The following CTNNBL1 variants were observed in gnomAD, a reference collection of about 807,000 sequenced individuals.
The protein encoded by CTNNBL1 is beta-catenin-like protein 1.
A neutral mutation model predicts 72.7 loss-of-function variants in CTNNBL1; 31 were observed. The observed-to-expected ratio is 0.43, with a 90% confidence interval of 0.32 to 0.58. The LOEUF is 0.58. CTNNBL1 is among the 20% of genes least tolerant of loss of function. The pLI is 0.08. For synonymous variants in CTNNBL1, 240 were observed against 267.3 expected (o/e 0.90, Z 1.00); for missense variants, 534 against 725.1 (o/e 0.74, Z 3.03).
At chr20:37,817,306 C>G (rs1047307739) in intron 11 of CTNNBL1, among the ~76,000 whole-genome samples, 1 of 152,112 alleles carries the variant, frequency 6.6e-6, no homozygotes, top group Non-Finnish European at 1.5e-5. Context: ...TTCTGACATG[C>G]CAAAGCAGGA....
chr20:37,741,455 G>A (rs1481520419), intron 3 of CTNNBL1, among the ~76,000 whole-genome samples: 1 of 152,106 alleles, frequency 6.6e-6, no homozygotes, highest in Non-Finnish European at 1.5e-5. Flanking sequence ...AGGAAATCAG[G>A]GTCTAGCAAT....
chr20:37,829,231 G>T (rs931100540), intron 11 of CTNNBL1, among the ~76,000 whole-genome samples: 19 of 152,326 alleles, frequency 1.2e-4, no homozygotes, highest in South Asian at 2.1e-4. Context: ...AATGGCCTTA[G>T]ATGTTCTGTG....
At chr20:37,759,620 G>T (rs981645318) in intron 5 of CTNNBL1, among the ~76,000 whole-genome samples, 1 of 152,062 alleles carries the variant, frequency 6.6e-6, no homozygotes, top group African/African-American at 2.4e-5. Context: ...GTTTAGTTTA[G>T]TTTTTATTTT....
chr20:37,860,291 A>G lies in CTNNBL1; in HGVS notation c.1550A>G (p.Gln517Arg), dbSNP rs1369025257. 6.2e-7 allele frequency: 1 copy of G among 1,614,158 alleles called. No homozygotes were observed. The highest frequency in any genetic ancestry group is 1.1e-5 in the South Asian group (1 of 91,082). The change falls in exon 15 of 16, where the codon CAG becomes CGG. Residue 517 changes from glutamine to arginine, a missense_variant. By Grantham distance (43) the Gln-to-Arg change is conservative. Coordinates refer to ENST00000361383, the MANE Select transcript of CTNNBL1 (RefSeq NM_030877.5). ...TATTAGATTCGCCAGAGGGTTCACC[A>G]GATCCTAAACATGCGAGGAAGCTCC... ...NVPQIRQRVH[Q>R]ILNMRGSSIK...
chr20:37,849,688 T>G lies in CTNNBL1; in HGVS notation c.1392+7269T>G, dbSNP rs567732077. Among the ~76,000 whole-genome samples the G allele has an allele frequency of 1.7e-4, 26 of 152,350 alleles. No individual in the cohort carries two copies. The South Asian group carries it at 5.4e-3, about 32-fold the overall frequency. ...GACAGTTTCTGCAGAAAATCTTCCC[T>G]GAGACCACCTGGAGCCCCTCCTGTG... On this transcript the variant is annotated intron_variant, in intron 13 of 15. Transcript: ENST00000361383.
At chr20:37,854,495 G>T (rs1222241032) in intron 13 of CTNNBL1, among the ~76,000 whole-genome samples, 1 of 151,550 alleles carries the variant, frequency 6.6e-6, no homozygotes, top group East Asian at 1.9e-4. Context: ...TGAGGAGCTT[G>T]TTCTGCCTGA....
Position 37,840,030 on chromosome 20 carries a change from G to C in CTNNBL1, c.1214-72G>C, listed in dbSNP as rs577356787. On this transcript the variant is annotated intron_variant, in intron 11 of 15. Coordinates refer to ENST00000361383, the MANE Select transcript of CTNNBL1 (RefSeq NM_030877.5). ...ACTTATTCTGCCCTCAATAGAACCA[G>C]ACGAGGCTTGAAGAGAGGTAATAAT... 1.1e-5 allele frequency: 12 copies of C among 1,094,234 alleles called. No individual in the cohort carries two copies. In the African/African-American group the frequency reaches 1.7e-4, roughly 15 times the overall value. 67.8% of individuals were successfully genotyped at this position (1,094,234 alleles called of 1,614,324 possible).
intron 7 of CTNNBL1, 92 bp downstream of exon 7, chr20:37,768,136 C>A: frequency 9.7e-7 from 1 of 1,032,864 alleles, no homozygotes; most frequent in Non-Finnish European, 1.5e-6. Context: ...TTATGCTGGG[C>A]CATATGATCT....
chr20:37,859,556 A>T (rs546721893), intron 13 of CTNNBL1, among the ~76,000 whole-genome samples: 3 of 152,060 alleles, frequency 2.0e-5, no homozygotes, highest in Admixed American at 6.5e-5. Context: ...CAAAGAGTGA[A>T]AAATGAGTGG....
intron 1 of CTNNBL1, among the ~76,000 whole-genome samples, chr20:37,719,304 T>G (rs1159865773): frequency 1.3e-5 from 2 of 152,162 alleles, no homozygotes; most frequent in East Asian, 3.8e-4. Flanking sequence ...TCCTGGTGAT[T>G]TCATTGGTTT....
chr20:37,756,579 A>T (rs1219135789), intron 4 of CTNNBL1, among the ~76,000 whole-genome samples: 2 of 143,720 alleles, frequency 1.4e-5, no homozygotes, highest in Non-Finnish European at 3.0e-5. Context: ...TCTCTCCTTC[A>T]TGTTTTCTTT....
chr20:37,865,327 C>T (rs757747339), intron 15 of CTNNBL1, among the ~76,000 whole-genome samples: 10 of 152,194 alleles, frequency 6.6e-5, no homozygotes, highest in Non-Finnish European at 1.5e-4. Flanking sequence ...AGTTAACTCA[C>T]AGTTAATCCG....
chr20:37,779,817 G>A (rs954610256), intron 10 of CTNNBL1, among the ~76,000 whole-genome samples: 9 of 152,104 alleles, frequency 5.9e-5, no homozygotes, highest in Non-Finnish European at 8.8e-5. Flanking sequence ...ATATGAAAAC[G>A]TGCAAGACAG....
At chr20:37,740,100 A>T (rs1330642021) in intron 3 of CTNNBL1, among the ~76,000 whole-genome samples, 1 of 152,172 alleles carries the variant, frequency 6.6e-6, no homozygotes, top group Non-Finnish European at 1.5e-5. Flanking sequence ...ATTTTATTTA[A>T]AAAAATCGGT....
chr20:37,739,509 G>C (rs1219039025), intron 3 of CTNNBL1, among the ~76,000 whole-genome samples: 1 of 152,030 alleles, frequency 6.6e-6, no homozygotes, highest in Non-Finnish European at 1.5e-5. Flanking sequence ...ATGTGTCTTT[G>C]TGTGCATATA....
intron 11 of CTNNBL1, among the ~76,000 whole-genome samples, chr20:37,813,006 C>T (rs2072025718): frequency 6.6e-6 from 1 of 151,368 alleles, no homozygotes; most frequent in Non-Finnish European, 1.5e-5. Context: ...ATGGAAAAAG[C>T]AGCATGTATT....
rs2073585171 is a variant in CTNNBL1, at chr20:37,777,392, G to A, written c.798G>A (p.Leu266=). The change falls in exon 8 of 16, where the codon CTG becomes CTA. Residue 266 remains leucine, a synonymous_variant. Transcript: ENST00000361383. ...DANKLYCSEV[L]AILLQDNDEN... The stretch of plus-strand genomic sequence containing the variant: ...ACAAACTGTATTGCAGTGAAGTGCT[G>A]GCCATATTGCTCCAGGACAATGATG... 1.2e-6 allele frequency: 2 copies of A among 1,613,756 alleles called. No individual in the cohort carries two copies. Among genetic ancestry groups the A allele is most frequent in the Non-Finnish European group, 1.7e-6 (2 of 1,179,814 alleles).
At chr20:37,829,623 G>C (rs754884007) in intron 11 of CTNNBL1, among the ~76,000 whole-genome samples, 3 of 152,066 alleles carry the variant, frequency 2.0e-5, no homozygotes, top group Non-Finnish European at 2.9e-5. Flanking sequence ...TCCGTATCCT[G>C]TGCTTTCTAA....
chr20:37,810,456 C>T (rs2072001202), intron 11 of CTNNBL1, among the ~76,000 whole-genome samples: 1 of 152,126 alleles, frequency 6.6e-6, no homozygotes, highest in Admixed American at 6.6e-5. Flanking sequence ...TTGTAAAGGT[C>T]TCACCACCTC....
Sources: gnomAD v4.1 joint callset for allele counts (sites outside exome capture counted in the v4.1 genomes callset) on GRCh38, gnomAD v4.1.1 for gene constraint, MANE v1.5 for transcripts, NCBI Gene and HGNC (gene_info 2026-07-23, HGNC 2026-07-21) for gene names.